The following SPEN variants were observed in gnomAD, a reference collection of about 807,000 sequenced individuals.
SPEN encodes msx2-interacting protein.
Under a neutral mutation model 269.9 loss-of-function variants are expected in SPEN, and 18 were observed. That is an observed-to-expected ratio of 0.07 (90% CI 0.05 to 0.10). The LOEUF is 0.10. Among genes scored for constraint, SPEN ranks in the 10% least tolerant of loss-of-function variants. The pLI is 1.00. For missense variants in SPEN, 3,822 were observed against 4,631.2 expected (o/e 0.83, Z 5.07); for synonymous variants, 1,726 against 1,765.7 (o/e 0.98, Z 0.56).
intron 9 of SPEN, among the ~76,000 whole-genome samples, chr1:15,921,732 G>C (rs2071121745): frequency 1.3e-5 from 2 of 152,134 alleles, no homozygotes; most frequent in African/African-American, 4.8e-5. Flanking sequence ...TTAAAAACTT[G>C]TATTCATGGT....
At chr1:15,883,117 A>C (rs897928518) in intron 3 of SPEN, among the ~76,000 whole-genome samples, 1 of 152,230 alleles carries the variant, frequency 6.6e-6, no homozygotes, top group African/African-American at 2.4e-5. Context: ...TTTTTAAAAA[A>C]TGTATTTCTC....
intron 3 of SPEN, among the ~76,000 whole-genome samples, chr1:15,884,858 C>T (rs1454022401): frequency 6.6e-6 from 1 of 151,854 alleles, no homozygotes; most frequent in Non-Finnish European, 1.5e-5. Context: ...CTTAGCCTCC[C>T]TAGTAGGTGG....
intron 3 of SPEN, among the ~76,000 whole-genome samples, chr1:15,905,155 T>C (rs1002355177): frequency 2.0e-5 from 3 of 152,048 alleles, no homozygotes; most frequent in Non-Finnish European, 2.9e-5. Context: ...CCCAAAGTGC[T>C]GGGCTTACAG....
In SPEN at chr1:15,931,474, C is replaced by T. The variant is rs1219902227; in HGVS notation, c.5234C>T (p.Ala1745Val). Residue 1745 changes from alanine to valine, a missense_variant, in exon 11 of 15, where the codon GCA becomes GTA. Transcript: ENST00000375759. The surrounding 1 kb of genome is among the most constrained non-coding windows in gnomAD (Gnocchi z 4.8). Reference sequence around the variant, plus strand: ...ACTCCCGGGGCCTCGTTTTCCCAGGCAGAGAGCAACGTAGATCCAGAGCCT... The same window carrying T: ...ACTCCCGGGGCCTCGTTTTCCCAGGTAGAGAGCAACGTAGATCCAGAGCCT... ...PPTPGASFSQ[A>V]ESNVDPEPDS... 6.2e-7 allele frequency: 1 copy of T among 1,614,154 alleles called. No homozygotes were observed. The highest frequency in any genetic ancestry group is 1.1e-5 in the South Asian group (1 of 91,080).
chr1:15,874,448 C>A, intron 2 of SPEN: 2 of 1,269,224 alleles, frequency 1.6e-6, no homozygotes, highest in Non-Finnish European at 2.1e-6. Context: ...CCAAGTCAAA[C>A]TCTCTTTTTT....
At chr1:15,922,861 G>A (rs1282591747) in intron 10 of SPEN, among the ~76,000 whole-genome samples, 4 of 152,048 alleles carry the variant, frequency 2.6e-5, no homozygotes, top group African/African-American at 4.8e-5. Flanking sequence ...CATTCTGCCC[G>A]CTTTGGCCTC....
At chr1:15,864,477 T>G (rs955474787) in intron 1 of SPEN, among the ~76,000 whole-genome samples, 3 of 151,248 alleles carry the variant, frequency 2.0e-5, no homozygotes, top group East Asian at 1.9e-4. Context: ...CCGGTTTTTT[T>G]TTTTTTTTTT....
intron 3 of SPEN, among the ~76,000 whole-genome samples, chr1:15,906,387 C>T (rs147044879): frequency 3.5e-4 from 52 of 150,526 alleles, no homozygotes; most frequent in African/African-American, 1.2e-3. Context: ...TATTTTCCTA[C>T]ATTTCAAACC....
In SPEN at chr1:15,936,246, C is replaced by T. The variant is rs369486221; in HGVS notation, c.10006C>T (p.Arg3336Trp). Residue 3336 changes from arginine to tryptophan, a missense_variant, in exon 11 of 15, where the codon CGG becomes TGG. Arg to Trp is a moderately radical substitution (Grantham distance 101). This residue lies in a region of SPEN where 359 missense variants were observed against 377.3 expected (regional missense o/e 0.95). Coordinates refer to ENST00000375759, the MANE Select transcript of SPEN (RefSeq NM_015001.3). ...CGCTTCCTCTGTTGGCCTGCCTTCC[C>T]GGACCAAGACAGCTGCTCAGGTGAG... ...PAASSVGLPS[R>W]TKTAAQGPPP... is the part of the protein sequence containing the mutation. The T allele has an allele frequency of 1.9e-5, 29 of 1,550,124 alleles. No homozygotes were observed. Among genetic ancestry groups the T allele is most frequent in the Non-Finnish European group, 2.2e-5 (25 of 1,140,326 alleles).
At chr1:15,922,794 T>C (rs1288326592) in intron 10 of SPEN, among the ~76,000 whole-genome samples, 1 of 152,112 alleles carries the variant, frequency 6.6e-6, no homozygotes, top group Non-Finnish European at 1.5e-5. Flanking sequence ...GAGTAATTTT[T>C]GTAAAGATGG....
Position 15,876,607 on chromosome 1 carries a change from C to T in SPEN, c.810C>T (p.Ser270=), listed in dbSNP as rs149525681. ...CATCTAGACCCACAAGGTCCCCTAG[C>T]GGCAGCGGCTCTAGAAGTAGATCCT... ...SQASRPTRSP[S]GSGSRSRSSS... The change falls in exon 3 of 15, where the codon AGC becomes AGT. Residue 270 remains serine, a synonymous_variant. Transcript: ENST00000375759. The T allele has an allele frequency of 6.2e-6, 10 of 1,613,882 alleles. No homozygotes were observed. The East Asian group carries it at 8.9e-5, about 14-fold the overall frequency.
intron 3 of SPEN, among the ~76,000 whole-genome samples, chr1:15,886,243 A>T (rs2070735255): frequency 6.6e-6 from 1 of 152,148 alleles, no homozygotes; most frequent in South Asian, 2.1e-4. Context: ...CCTTGCTTTT[A>T]GTTAGGATGC....
chr1:15,937,672 C>G lies in SPEN; in HGVS notation c.10509+27C>G. 6.2e-7 allele frequency: 1 copy of G among 1,607,798 alleles called. No homozygotes were observed. The highest frequency in any genetic ancestry group is 8.5e-7 in the Non-Finnish European group (1 of 1,175,394). ...TAAGCATGAGCAGGGGCTGCCCTTC[C>G]TGGCCCCCAAGTTTTATGCCATGTC... On this transcript the variant is annotated intron_variant, in intron 12 of 14. Coordinates refer to ENST00000375759, the MANE Select transcript of SPEN (RefSeq NM_015001.3). The surrounding 1 kb of genome is among the most constrained non-coding windows in gnomAD (Gnocchi z 5.7).
At position 15,932,824 on chromosome 1, in the gene SPEN, C is replaced by A; in HGVS notation, c.6584C>A (p.Pro2195Gln). ...TCTGCTGCCTATAAGGCAGATGCAC[C>A]AGAGGGCCTTGCCCCAGAGGACAGG... Reference protein sequence around the residue: ...SASAAYKADAPEGLAPEDRDK... With the variant: ...SASAAYKADAQEGLAPEDRDK... Residue 2195 changes from proline to glutamine, a missense_variant, in exon 11 of 15, where the codon CCA (proline) becomes CAA (glutamine). Transcript: ENST00000375759. The surrounding 1 kb of genome is among the most constrained non-coding windows in gnomAD (Gnocchi z 4.2). 6.2e-7 allele frequency: 1 copy of A among 1,614,198 alleles called. No homozygotes were observed. Among genetic ancestry groups the A allele is most frequent in the African/African-American group, 1.3e-5 (1 of 75,052 alleles).
intron 3 of SPEN, among the ~76,000 whole-genome samples, chr1:15,902,636 C>A (rs2148724805): frequency 6.6e-6 from 1 of 151,968 alleles, no homozygotes; most frequent in Admixed American, 6.6e-5. Context: ...AAAGTAAGAC[C>A]CCGTCTCTAC....
chr1:15,912,398 T>G (rs2071020297), intron 5 of SPEN, among the ~76,000 whole-genome samples: 1 of 152,212 alleles, frequency 6.6e-6, no homozygotes, highest in South Asian at 2.1e-4. Context: ...AGTCACTTTA[T>G]GAAGCTGAGA....
chr1:15,886,502 C>T (rs1274356342), intron 3 of SPEN, among the ~76,000 whole-genome samples: 8 of 152,104 alleles, frequency 5.3e-5, no homozygotes, highest in African/African-American at 1.4e-4. Context: ...CCGGCTGCTG[C>T]GTGGTGACTG....
intron 1 of SPEN, among the ~76,000 whole-genome samples, chr1:15,866,952 A>AT (rs1288096175): frequency 6.6e-6 from 1 of 152,172 alleles, no homozygotes; most frequent in African/African-American, 2.4e-5. Context: ...AGGGACAGGT[A>AT]TTTTTTGTAT....
rs767231954 is a variant in SPEN at position 15,871,445 on chromosome 1, A to G, written c.84-1371A>G. 2.0e-5 allele frequency among the ~76,000 whole-genome samples: 3 copies of G among 152,062 alleles called. 1 individual carries two copies. Among genetic ancestry groups the G allele is most frequent in the Non-Finnish European group, 4.4e-5 (3 of 68,010 alleles). ...AATCTCCACCTCCTGAGCTCAAGCA[A>G]TTCTCATGCCTTAGCCTCCCAAGTA... On this transcript the variant is annotated intron_variant, in intron 1 of 14. Transcript: ENST00000375759.
Sources: gnomAD v4.1 joint callset for allele counts (sites outside exome capture counted in the v4.1 genomes callset) on GRCh38, gnomAD v4.1.1 for gene constraint, gnomAD v4.1.1 regional missense constraint, Gnocchi (gnomAD v3.1) non-coding constraint, MANE v1.5 for transcripts, NCBI Gene and HGNC (gene_info 2026-07-23, HGNC 2026-07-21) for gene names.